CCDC201: variants seen among roughly 807,000 people sequenced by gnomAD.
The protein encoded by CCDC201 is coiled-coil domain-containing protein 201.
chr7:45,867,811 G>C (rs774999567), intron 1 of CCDC201, among the ~76,000 whole-genome samples: 5 of 152,230 alleles, frequency 3.3e-5, no homozygotes, highest in Admixed American at 6.5e-5. Context: ...GTATGCATTT[G>C]TACACAGAGA....
intron 1 of CCDC201, among the ~76,000 whole-genome samples, chr7:45,869,566 T>C (rs982847040): frequency 2.6e-5 from 4 of 152,224 alleles, no homozygotes; most frequent in African/African-American, 9.6e-5. Flanking sequence ...TGTGTTGCTC[T>C]TGGAGTATGT....
chr7:45,866,128 G>C, exon 2 of CCDC201: 1 of 197,588 alleles, frequency 5.1e-6, no homozygotes. Context: ...CTCTTTGCCC[G>C]GAGGGACTCT....
chr7:45,878,710 T>C, the CCDC201 span, among the ~76,000 whole-genome samples: 1 of 152,244 alleles, frequency 6.6e-6, no homozygotes, highest in Non-Finnish European at 1.5e-5. Context: ...TGGGCCTGTG[T>C]TGGGAGTGGC....
At chr7:45,883,839 T>C in the CCDC201 span, among the ~76,000 whole-genome samples, 2 of 152,168 alleles carry the variant, frequency 1.3e-5, no homozygotes, top group South Asian at 4.2e-4. Flanking sequence ...AGGGTGGGGC[T>C]CTGCCTCCTT....
At chr7:45,875,745 C>T (rs1450067078), upstream of CCDC201, among the ~76,000 whole-genome samples, 1 of 150,838 alleles carries the variant, frequency 6.6e-6, no homozygotes, top group Non-Finnish European at 1.5e-5. Context: ...GGTCCCGGTT[C>T]CCAGTTCCTG....
chr7:45,861,795 C>G (rs142243087), exon 3 of CCDC201: 1 of 152,220 alleles, frequency 6.6e-6, no homozygotes, highest in Non-Finnish European at 1.5e-5. Flanking sequence ...CCCACCTGTC[C>G]GCACACTTGA....
At chr7:45,881,759 C>A in the CCDC201 span, among the ~76,000 whole-genome samples, 1 of 152,196 alleles carries the variant, frequency 6.6e-6, no homozygotes, top group African/African-American at 2.4e-5. Flanking sequence ...TCGCTTCCAT[C>A]GCCAACACTG....
upstream of CCDC201, among the ~76,000 whole-genome samples, chr7:45,873,758 G>A (rs970344230): frequency 6.6e-6 from 1 of 152,146 alleles, no homozygotes; most frequent in Admixed American, 6.5e-5. Flanking sequence ...CTCTAACCAT[G>A]CCTTAACTTT....
chr7:45,862,105 G>A (rs929646347), exon 3 of CCDC201: 8 of 152,272 alleles, frequency 5.3e-5, no homozygotes, highest in South Asian at 2.1e-4. Context: ...GGAGCACAGC[G>A]TTGGAGAGTG....
chr7:45,861,347 TAA>T (rs556625588), exon 3 of CCDC201: 141 of 150,682 alleles, frequency 9.4e-4, no homozygotes, highest in East Asian at 2.5e-3. Context: ...CAATAATATA[TAA>T]GTTATAAAAA....
the CCDC201 span, among the ~76,000 whole-genome samples, chr7:45,882,832 T>C: frequency 6.6e-6 from 1 of 152,186 alleles, no homozygotes; most frequent in African/African-American, 2.4e-5. Flanking sequence ...TGAATACAAA[T>C]TCCATGTCTA....
chr7:45,863,354 G>C (rs1212897937), intron 2 of CCDC201, among the ~76,000 whole-genome samples, 183 bp from the exon 3 acceptor site: 1 of 152,214 alleles, frequency 6.6e-6, no homozygotes, highest in Non-Finnish European at 1.5e-5. Context: ...GTGCCACCCA[G>C]AGGGCCCACT....
At chr7:45,882,439 A>G in the CCDC201 span, among the ~76,000 whole-genome samples, 1 of 152,250 alleles carries the variant, frequency 6.6e-6, no homozygotes, top group Non-Finnish European at 1.5e-5. Flanking sequence ...TAGGACATAG[A>G]AATCTAAGGC....
intron 1 of CCDC201, among the ~76,000 whole-genome samples, chr7:45,870,589 C>A (rs1786732694): frequency 6.6e-6 from 1 of 152,100 alleles, no homozygotes; most frequent in South Asian, 2.1e-4. Context: ...AAGACCAAAA[C>A]TGGAAGTACA....
At chr7:45,870,823 T>A (rs7791959) in intron 1 of CCDC201, among the ~76,000 whole-genome samples, 3,507 of 152,036 alleles carry the variant, frequency 0.023, 130 homozygotes, top group African/African-American at 0.079. Context: ...AAAATCAAAA[T>A]CCCATAGAAG....
chr7:45,875,678 GGCA>G (rs1386007825), upstream of CCDC201, among the ~76,000 whole-genome samples: 2 of 152,166 alleles, frequency 1.3e-5, no homozygotes, highest in African/African-American at 4.8e-5. Context: ...GGAAACTGAG[GGCA>G]GCAGAAGGGA....
chr7:45,880,704 C>T, the CCDC201 span, among the ~76,000 whole-genome samples: 1 of 152,234 alleles, frequency 6.6e-6, no homozygotes, highest in Non-Finnish European at 1.5e-5. Context: ...CCTGCAGAGC[C>T]AGGGTCACCT....
intron 1 of CCDC201, among the ~76,000 whole-genome samples, chr7:45,869,002 G>A (rs1786712359): frequency 6.6e-6 from 1 of 152,148 alleles, no homozygotes; most frequent in Non-Finnish European, 1.5e-5. Flanking sequence ...AAAAAACTTA[G>A]GTATCTGCAT....
chr7:45,863,638 C>T (rs553490509), intron 2 of CCDC201, among the ~76,000 whole-genome samples: 11 of 152,212 alleles, frequency 7.2e-5, no homozygotes, highest in South Asian at 2.1e-4. Context: ...ACAGGGAAGA[C>T]GAGGATGGGT....
Sources: gnomAD v4.1 joint callset for allele counts (sites outside exome capture counted in the v4.1 genomes callset) on GRCh38, gnomAD v4.1.1 for gene constraint, MANE v1.5 for transcripts, NCBI Gene and HGNC (gene_info 2026-07-23, HGNC 2026-07-21) for gene names.